Variants in SH3D19 observed in about 807,000 individuals in gnomAD.
The protein encoded by SH3D19 is SH3 domain containing 19.
Under a neutral mutation model 112.1 loss-of-function variants are expected in SH3D19, and 58 were observed. The ratio of observed to expected loss-of-function variants is 0.52; its 90% CI spans 0.42 to 0.64. The LOEUF (loss-of-function observed/expected upper bound fraction) is 0.64. Ranked by LOEUF, SH3D19 falls within the 30% of genes least tolerant of loss-of-function variation. The probability of loss-of-function intolerance (pLI) is 0.00; values close to 1 mark genes in which losing one functional copy is unlikely to be tolerated. For synonymous variants in SH3D19, 391 were observed against 448.5 expected (o/e 0.87, Z 1.62); for missense variants, 1,090 against 1,263.4 (o/e 0.86, Z 2.08).
intron 9 of SH3D19, among the ~76,000 whole-genome samples, chr4:151,149,855 A>G (rs1754605373): frequency 6.6e-6 from 1 of 152,132 alleles, no homozygotes; most frequent in Non-Finnish European, 1.5e-5. Flanking sequence ...TGAGATATTG[A>G]GGGAAAATTT....
intron 1 of SH3D19, among the ~76,000 whole-genome samples, chr4:151,313,081 C>CT (rs777971757): frequency 7.7e-4 from 90 of 116,614 alleles, no homozygotes; most frequent in Admixed American, 1.6e-3. Flanking sequence ...GAGCGAGACT[C>CT]TGTCTCAAAA....
intron 2 of SH3D19, among the ~76,000 whole-genome samples, chr4:151,217,978 A>G (rs1580222477): frequency 6.6e-6 from 1 of 152,164 alleles, no homozygotes; most frequent in East Asian, 1.9e-4. Flanking sequence ...ACATATATAT[A>G]TCCCCATTTG....
chr4:151,146,303 A>AT (rs1170211873), intron 11 of SH3D19, among the ~76,000 whole-genome samples: 19 of 149,312 alleles, frequency 1.3e-4, no homozygotes, highest in East Asian at 3.9e-4. Flanking sequence ...TTTTTATTTT[A>AT]TTTTTTTTTT....
intron 1 of SH3D19, chr4:151,291,305 C>T (rs1468983947): frequency 1.2e-6 from 2 of 1,613,836 alleles, no homozygotes; most frequent in Non-Finnish European, 1.7e-6. Context: ...TTCTTGTTCC[C>T]TATTGTCCTA....
At chr4:151,143,553 G>A (rs1156501691) in intron 12 of SH3D19, among the ~76,000 whole-genome samples, 1 of 151,782 alleles carries the variant, frequency 6.6e-6, no homozygotes, top group Non-Finnish European at 1.5e-5. Flanking sequence ...AAAAGATTAT[G>A]AAAACTAGGA....
At chr4:151,318,188 C>T (rs1328632073) in intron 1 of SH3D19, among the ~76,000 whole-genome samples, 2 of 150,232 alleles carry the variant, frequency 1.3e-5, no homozygotes, top group Admixed American at 1.3e-4. Context: ...GTAGTCCTAG[C>T]TCCTTGGGAG....
Position 151,183,081 on chromosome 4 carries a change from T to C in SH3D19, c.194-3684A>G, listed in dbSNP as rs1202076102. ...ACCTTGGCTCACTGGAACCTCTGCC[T>C]TCCAGGTTCAAGCGATTCTCCTGCC... is the stretch of plus-strand genomic sequence containing the variant. On this transcript the variant is annotated intron_variant, in intron 3 of 19. Transcript: ENST00000604030. Among the ~76,000 whole-genome samples, 3 of 151,274 alleles carry C rather than the reference T, an allele frequency of 2.0e-5. No individual in the cohort carries two copies. In the East Asian group the frequency reaches 5.9e-4, roughly 29 times the overall value.
At chr4:151,253,509 G>A (rs1331923923) in intron 1 of SH3D19, among the ~76,000 whole-genome samples, 1 of 152,192 alleles carries the variant, frequency 6.6e-6, no homozygotes, top group Non-Finnish European at 1.5e-5. Flanking sequence ...GGGAGGCCTA[G>A]GCGGGCGGAT....
In SH3D19 at chr4:151,325,295, G is replaced by T; in HGVS notation, c.58C>A (p.Leu20Ile). 1 of 1,220,590 alleles carries T rather than the reference G, an allele frequency of 8.2e-7. No homozygotes were observed. Among genetic ancestry groups the T allele is most frequent in the Non-Finnish European group, 1.0e-6 (1 of 980,678 alleles). The allele number at this position is 1,220,590 out of a possible 1,614,324, so 75.6% of individuals were successfully genotyped here. A position where few individuals can be genotyped will look rare whatever the true frequency, so the allele number is the denominator to read the frequency against. ...EEEELRERRE[L>I]GGQRRARGRA... Reference sequence around the variant, plus strand: ...CCCCGGGCGCGGCGCTGGCCACCAAGTTCGCGGCGCTCGCGTAGCTCTTCC... The same window carrying T: ...CCCCGGGCGCGGCGCTGGCCACCAATTTCGCGGCGCTCGCGTAGCTCTTCC... The change falls in exon 1 of 20, where the codon CTT (leucine) becomes ATT (isoleucine). Residue 20 changes from leucine (L) to isoleucine (I), a missense_variant. By Grantham distance (5) the Leu-to-Ile change is conservative. Coordinates refer to ENST00000604030, the MANE Select transcript of SH3D19 (RefSeq NM_001378122.1).
At chr4:151,223,426 A>G (rs142387664) in intron 2 of SH3D19, among the ~76,000 whole-genome samples, 21 of 152,190 alleles carry the variant, frequency 1.4e-4, no homozygotes, top group African/African-American at 4.8e-4. Context: ...TGATGCTACC[A>G]TCTGTCTTTT....
chr4:151,137,743 C>T lies in SH3D19; in HGVS notation c.2416G>A (p.Val806Ile). The part of the protein sequence containing the change: ...NQIGIFPANY[V>I]KVIIDIPEGG... ...CACAACCCACTTACAATCACTTTGA[C>T]ATAGTTGGCAGGAAATATGCCAATC... is the stretch of plus-strand genomic sequence containing the variant. Residue 806 changes from valine (V) to isoleucine (I), a missense_variant, in exon 14 of 20, where the codon GTC becomes ATC. By Grantham distance (29) the Val-to-Ile change is conservative. Transcript: ENST00000604030. 6.2e-7 allele frequency: 1 copy of T among 1,601,210 alleles called. No individual in the cohort carries two copies. Among genetic ancestry groups the T allele is most frequent in the Non-Finnish European group, 8.5e-7 (1 of 1,175,006 alleles).
chr4:151,282,376 T>G, intron 1 of SH3D19: 3 of 1,613,890 alleles, frequency 1.9e-6, no homozygotes, highest in Non-Finnish European at 2.5e-6. Context: ...CACCCTTTTG[T>G]TGGGTGACCG....
At position 151,262,676 on chromosome 4, in the gene SH3D19, T is replaced by TTCTCTCTCTCTCTCTCTC. The variant is rs61642865; in HGVS notation, c.113-36608_113-36591dup. 4.5e-3 allele frequency: 656 copies of TTCTCTCTCTCTCTCTCTC among 145,104 alleles called. 5 individuals carry two copies. Among genetic ancestry groups the TTCTCTCTCTCTCTCTCTC allele is most frequent in the African/African-American group, 0.015 (572 of 38,892 alleles). The allele number at this position is 145,104 out of a possible 1,614,324, so 9.0% of individuals were successfully genotyped here. On this transcript the variant is annotated intron_variant, in intron 1 of 19. Coordinates refer to ENST00000604030, the MANE Select transcript of SH3D19 (RefSeq NM_001378122.1). Reference sequence around the variant, plus strand: ...TCTATGTACTGTCTAGCCAACATTCTTCTCTCTCTCTCTCTCTCTCTCTCT... The same window carrying TTCTCTCTCTCTCTCTCTC: ...TCTATGTACTGTCTAGCCAACATTCTTCTCTCTCTCTCTCTCTCTCTCTCTCTCTCTCTCTCTCTCTCT...
chr4:151,264,777 C>T lies in SH3D19; in HGVS notation c.113-38691G>A, dbSNP rs567617336. Among the ~76,000 whole-genome samples, 7 of 152,202 alleles carry T rather than the reference C, an allele frequency of 4.6e-5. No homozygotes were observed. In the South Asian group the frequency reaches 1.5e-3, roughly 32 times the overall value. ...ATGTTTCATATGAAAAATATGCTGC[C>T]TTATTTTCTTTTTTTCCTTTTTTTC... On this transcript the variant is annotated intron_variant, in intron 1 of 19. Coordinates refer to ENST00000604030, the MANE Select transcript of SH3D19 (RefSeq NM_001378122.1).
intron 8 of SH3D19, among the ~76,000 whole-genome samples, chr4:151,160,856 A>G (rs909890888): frequency 6.6e-6 from 1 of 152,140 alleles, no homozygotes; most frequent in Non-Finnish European, 1.5e-5. Flanking sequence ...CGAGGCAAAC[A>G]TTCTTAGTGA....
rs574406771 is a variant in SH3D19 at position 151,178,440 on chromosome 4, C to T, written c.236+915G>A. Among the ~76,000 whole-genome samples the T allele has an allele frequency of 6.6e-5, 10 of 152,334 alleles. No homozygotes were observed. The East Asian group carries it at 1.9e-3, about 29-fold the overall frequency. On this transcript the variant is annotated intron_variant, in intron 4 of 19. Coordinates refer to ENST00000604030, the MANE Select transcript of SH3D19 (RefSeq NM_001378122.1). ...ACATTGTGAAACAGTAGAACCTGATCATTGATAAAATTTGAACTGTACTTC... is the reference window on the plus strand; with the variant it reads ...ACATTGTGAAACAGTAGAACCTGATTATTGATAAAATTTGAACTGTACTTC...
chr4:151,134,973 C>T, intron 15 of SH3D19, 101 bp downstream of exon 15: 2 of 946,764 alleles, frequency 2.1e-6, no homozygotes, highest in Non-Finnish European at 3.2e-6. Flanking sequence ...AGGTCTGAGC[C>T]ACCATGCCTG....
chr4:151,136,352 T>TAA (rs1751857074), intron 14 of SH3D19, among the ~76,000 whole-genome samples: 1 of 152,168 alleles, frequency 6.6e-6, no homozygotes, highest in Non-Finnish European at 1.5e-5. Flanking sequence ...CTCACTATGT[T>TAA]GCCCAGGCTG....
intron 1 of SH3D19, among the ~76,000 whole-genome samples, chr4:151,235,090 T>C (rs528268257): frequency 2.4e-4 from 36 of 152,086 alleles, no homozygotes; most frequent in African/African-American, 7.5e-4. Context: ...TGCGCAGGTT[T>C]GTTACATGTT....
Sources: gnomAD v4.1 joint callset for allele counts (sites outside exome capture counted in the v4.1 genomes callset) on GRCh38, gnomAD v4.1.1 for gene constraint, MANE v1.5 for transcripts, NCBI Gene and HGNC (gene_info 2026-07-23, HGNC 2026-07-21) for gene names.